LRRC28: variants seen among roughly 807,000 people sequenced by gnomAD.
The protein encoded by LRRC28 is leucine rich repeat containing 28, also known as leucine-rich repeat-containing protein 28.
LRRC28 carries 39 observed loss-of-function variants against 45.7 expected under a neutral mutation model. That is an observed-to-expected ratio of 0.85 (90% CI 0.66 to 1.12). The LOEUF is 1.12. Ranked by LOEUF, LRRC28 falls within the 50% of genes most tolerant of loss-of-function variation. LRRC28 has a pLI of 0.00. For synonymous variants in LRRC28, 206 were observed against 178.8 expected (o/e 1.15, Z -1.22); for missense variants, 435 against 438.5 (o/e 0.99, Z 0.07).
chr15:99,360,864 A>G (rs1323863867), intron 7 of LRRC28: 1 of 152,726 alleles, frequency 6.5e-6, no homozygotes, highest in Non-Finnish European at 1.5e-5. Context: ...GAAGGATCCA[A>G]TAAAGTTATC....
In LRRC28 at chr15:99,280,920, C is replaced by T. The variant is rs1001547582; in HGVS notation, c.209+4304C>T. On this transcript the variant is annotated intron_variant, in intron 3 of 9. Transcript: ENST00000301981. The stretch of plus-strand genomic sequence containing the variant: ...TCAGACTTTTATTCCCTATGTGCTT[C>T]AGTTTGGACAAATTGTATGTTCTGT... Among the ~76,000 whole-genome samples the T allele has an allele frequency of 4.6e-5, 7 of 152,062 alleles. 1 individual carries two copies. Among genetic ancestry groups the T allele is most frequent in the African/African-American group, 1.7e-4 (7 of 41,398 alleles).
intron 7 of LRRC28, among the ~76,000 whole-genome samples, chr15:99,357,441 G>A (rs1485780626): frequency 1.3e-5 from 2 of 152,190 alleles, no homozygotes; most frequent in African/African-American, 4.8e-5. Flanking sequence ...AAAGCAACAT[G>A]GATGAATTCC....
At chr15:99,335,707 C>T (rs1255470602) in intron 6 of LRRC28, among the ~76,000 whole-genome samples, 5 of 152,162 alleles carry the variant, frequency 3.3e-5, no homozygotes, top group Admixed American at 3.3e-4. Flanking sequence ...CACCCCCTCT[C>T]CTTGTGGTAA....
At chr15:99,318,113 A>G (rs1180198494) in intron 5 of LRRC28, among the ~76,000 whole-genome samples, 2 of 152,202 alleles carry the variant, frequency 1.3e-5, no homozygotes, top group African/African-American at 2.4e-5. Context: ...TAGTACTTGT[A>G]ATTGACAGAA....
intron 1 of LRRC28, 69 bp from the exon 2 acceptor site, chr15:99,255,829 C>A: frequency 1.1e-6 from 1 of 939,748 alleles, no homozygotes; most frequent in Non-Finnish European, 1.5e-6. Flanking sequence ...GCTCTGTGTG[C>A]TAACTGGTTT....
chr15:99,306,389 C>T (rs796675919), intron 5 of LRRC28, among the ~76,000 whole-genome samples: 16 of 152,302 alleles, frequency 1.1e-4, no homozygotes, highest in African/African-American at 3.8e-4. Context: ...TAAAGGAACT[C>T]GGCTAACCCG....
At chr15:99,372,185 T>C (rs1957502710) in intron 9 of LRRC28, among the ~76,000 whole-genome samples, 1 of 152,168 alleles carries the variant, frequency 6.6e-6, no homozygotes, top group African/African-American at 2.4e-5. Context: ...GCAGAAAAAA[T>C]CGCACATTTC....
intron 3 of LRRC28, among the ~76,000 whole-genome samples, chr15:99,276,969 C>T (rs564872578): frequency 6.6e-6 from 1 of 152,008 alleles, no homozygotes; most frequent in Non-Finnish European, 1.5e-5. Flanking sequence ...ATAAACAGGT[C>T]GTATAAAATG....
chr15:99,344,368 G>A (rs749673244), intron 6 of LRRC28, among the ~76,000 whole-genome samples: 3 of 151,880 alleles, frequency 2.0e-5, no homozygotes, highest in Non-Finnish European at 4.4e-5. Context: ...CCACTGCATT[G>A]TCTAATTTCA....
intron 9 of LRRC28, among the ~76,000 whole-genome samples, chr15:99,370,634 A>G (rs1957459178): frequency 6.6e-6 from 1 of 152,194 alleles, no homozygotes; most frequent in Non-Finnish European, 1.5e-5. Context: ...TTTGCCTAAA[A>G]CTGTATACAT....
At chr15:99,283,486 C>A (rs566851762) in intron 3 of LRRC28, among the ~76,000 whole-genome samples, 1 of 151,100 alleles carries the variant, frequency 6.6e-6, no homozygotes, top group Non-Finnish European at 1.5e-5. Flanking sequence ...TGTGGTGGTG[C>A]GCACCTGTAA....
chr15:99,306,173 G>A (rs1955174800), intron 5 of LRRC28, among the ~76,000 whole-genome samples: 1 of 152,172 alleles, frequency 6.6e-6, no homozygotes, highest in Non-Finnish European at 1.5e-5. Context: ...TGATGCCGAG[G>A]CATTTCTCTT....
intron 1 of LRRC28, 43 bp from the exon 2 acceptor site, chr15:99,255,855 T>G (rs2081001169): frequency 7.5e-7 from 1 of 1,330,222 alleles, no homozygotes; most frequent in South Asian, 1.6e-5. Context: ...GCAATTCTTG[T>G]AAAAAATCTT....
chr15:99,346,455 G>A (rs1956685205), intron 6 of LRRC28, among the ~76,000 whole-genome samples: 1 of 152,126 alleles, frequency 6.6e-6, no homozygotes, highest in African/African-American at 2.4e-5. Flanking sequence ...AATACAATAA[G>A]AAATAAAATT....
rs1958027558 is a variant in LRRC28 at position 99,387,121 on chromosome 15, CGG to C, written c.*1021_*1022del. The C allele has an allele frequency of 6.6e-6, 1 of 150,886 alleles. No individual in the cohort carries two copies. Among genetic ancestry groups the C allele is most frequent in the Non-Finnish European group, 1.5e-5 (1 of 67,742 alleles). 9.3% of individuals were successfully genotyped at this position (150,886 alleles called of 1,614,324 possible). On this transcript the variant is annotated 3_prime_UTR_variant, in exon 10 of 10. Coordinates refer to ENST00000301981, the MANE Select transcript of LRRC28 (RefSeq NM_144598.5). ...TGTCGCCCAGGCTGGAGTGCAGTGG[CGG>C]GATCTCGGCTCACTGCAAGCTCCGC...
chr15:99,298,190 C>T (rs935454040), intron 5 of LRRC28, among the ~76,000 whole-genome samples: 6 of 152,196 alleles, frequency 3.9e-5, no homozygotes, highest in Admixed American at 2.6e-4. Context: ...AACACTATAA[C>T]CCAAGTGATC....
intron 1 of LRRC28, chr15:99,252,014 A>G (rs1180127702): frequency 6.6e-6 from 1 of 152,152 alleles, no homozygotes; most frequent in Non-Finnish European, 1.5e-5. Context: ...TCCTTTCAAA[A>G]TACTCCTTAA....
intron 5 of LRRC28, 168 bp from the exon 6 acceptor site, chr15:99,333,755 G>C (rs1179127280): frequency 1.4e-6 from 1 of 690,276 alleles, no homozygotes; most frequent in East Asian, 2.7e-5. Flanking sequence ...CACTCACCTA[G>C]CTTGGATTAT....
intron 5 of LRRC28, among the ~76,000 whole-genome samples, chr15:99,300,870 T>G (rs1241530232): frequency 6.6e-6 from 1 of 152,238 alleles, no homozygotes; most frequent in African/African-American, 2.4e-5. Context: ...ATGCACATTG[T>G]TGCATATATG....
Sources: gnomAD v4.1 joint callset for allele counts (sites outside exome capture counted in the v4.1 genomes callset) on GRCh38, gnomAD v4.1.1 for gene constraint, MANE v1.5 for transcripts, NCBI Gene and HGNC (gene_info 2026-07-23, HGNC 2026-07-21) for gene names.